The following ATP10A variants were observed in gnomAD, a reference collection of about 807,000 sequenced individuals.
ATP10A encodes phospholipid-transporting ATPase VA.
In ATP10A, 111 loss-of-function variants were observed where a neutral mutation model predicts 147.8. The observed-to-expected ratio is 0.75, with a 90% CI of 0.64 to 0.88. The LOEUF (loss-of-function observed/expected upper bound fraction) is 0.88, where lower values mean the gene tolerates loss of function less well. Ranked by LOEUF, ATP10A falls within the 40% of genes least tolerant of loss-of-function variation. ATP10A has a pLI of 0.00. For missense variants in ATP10A, 1,927 were observed against 1,959.0 expected (o/e 0.98, Z 0.31); for synonymous variants, 875 against 841.6 (o/e 1.04, Z -0.69).
At chr15:25,747,551 GAAC>G (rs1887914014) in intron 2 of ATP10A, among the ~76,000 whole-genome samples, 1 of 151,790 alleles carries the variant, frequency 6.6e-6, no homozygotes, top group African/African-American at 2.4e-5. Flanking sequence ...ATAAAAAAGG[GAAC>G]ATCAGTACAA....
chr15:25,735,003 C>CGGGGGGGG (rs774115891), intron 3 of ATP10A, among the ~76,000 whole-genome samples: 1 of 131,980 alleles, frequency 7.6e-6, no homozygotes, highest in African/African-American at 2.9e-5. Context: ...GTGGTGGGAG[C>CGGGGGGGG]GGGGGGGGGG....
intron 2 of ATP10A, among the ~76,000 whole-genome samples, chr15:25,760,997 C>CA (rs1888728744): frequency 1.3e-5 from 2 of 152,028 alleles, no homozygotes; most frequent in South Asian, 4.2e-4. Flanking sequence ...GTATCACAAC[C>CA]AAAAATTGTA....
rs142086478 is a variant in ATP10A at position 25,813,421 on chromosome 15, G to A, written c.450-32198C>T. 2.4e-3 allele frequency among the ~76,000 whole-genome samples: 366 copies of A among 152,266 alleles called. 1 individual carries two copies. The highest frequency in any genetic ancestry group is 2.7e-3 in the Admixed American group (42 of 15,296). ...TAACTTCTCTGCATCCTAGAACAAAGCTCAAGAATATTTATATGAACATAA... is the reference window on the plus strand; with the variant it reads ...TAACTTCTCTGCATCCTAGAACAAAACTCAAGAATATTTATATGAACATAA... On this transcript the variant is annotated intron_variant, in intron 1 of 20. Coordinates refer to ENST00000555815, the MANE Select transcript of ATP10A (RefSeq NM_024490.4).
intron 1 of ATP10A, among the ~76,000 whole-genome samples, chr15:25,787,537 G>A (rs1377247233): frequency 6.6e-6 from 1 of 151,504 alleles, no homozygotes; most frequent in Non-Finnish European, 1.5e-5. Context: ...CTTGAGCCTG[G>A]GAAAGTTGAG....
At chr15:25,796,096 T>C (rs1237363671) in intron 1 of ATP10A, among the ~76,000 whole-genome samples, 1 of 152,200 alleles carries the variant, frequency 6.6e-6, no homozygotes, top group Non-Finnish European at 1.5e-5. Flanking sequence ...CAGCCTCAAA[T>C]ATTCCTTTAT....
rs886144838 is a variant in ATP10A, at chr15:25,787,361, C to T, written c.450-6138G>A. Among the ~76,000 whole-genome samples, 3 of 152,040 alleles carry T rather than the reference C, an allele frequency of 2.0e-5. No homozygotes were observed. In the East Asian group the frequency reaches 5.8e-4, roughly 29 times the overall value. ...AGGCATGGTGACTCACATCTGTAATCCCAGCACTTTGGGAGGCTGAAGTAG... is the reference window on the plus strand; with the variant it reads ...AGGCATGGTGACTCACATCTGTAATTCCAGCACTTTGGGAGGCTGAAGTAG... On this transcript the variant is annotated intron_variant, in intron 1 of 20. Transcript: ENST00000555815.
At chr15:25,774,296 C>T (rs901208259) in intron 2 of ATP10A, among the ~76,000 whole-genome samples, 5 of 152,142 alleles carry the variant, frequency 3.3e-5, no homozygotes, top group East Asian at 1.9e-4. Context: ...ATCAGAGGTT[C>T]GGGTGCGGTA....
At chr15:25,776,052 G>A (rs968489159) in intron 2 of ATP10A, among the ~76,000 whole-genome samples, 12 of 152,186 alleles carry the variant, frequency 7.9e-5, no homozygotes, top group Admixed American at 1.3e-4. Context: ...CTAGAATGGC[G>A]TTAGAAACAT....
intron 2 of ATP10A, among the ~76,000 whole-genome samples, chr15:25,771,228 T>C (rs1889317648): frequency 6.6e-6 from 1 of 151,894 alleles, no homozygotes; most frequent in Admixed American, 6.6e-5. Context: ...CCGGGATCAC[T>C]CATGAGGACA....
chr15:25,835,410 G>A (rs1892546288), intron 1 of ATP10A, among the ~76,000 whole-genome samples: 1 of 152,138 alleles, frequency 6.6e-6, no homozygotes. Flanking sequence ...ACGTGAAGTG[G>A]GTCTCAATAA....
At chr15:25,678,071 T>C (rs2066711), downstream of ATP10A, 38,585 of 151,848 alleles carry the variant, frequency 0.25, 5,806 homozygotes, top group Admixed American at 0.35. Flanking sequence ...AGCCCAGGTC[T>C]GAGTTGCTGA....
intron 1 of ATP10A, among the ~76,000 whole-genome samples, chr15:25,808,492 C>T (rs8035801): frequency 0.019 from 2,902 of 152,328 alleles, 88 homozygotes; most frequent in African/African-American, 0.065. Flanking sequence ...TCAAGCTATT[C>T]TGCTTCCTCA....
At position 25,723,902 on chromosome 15, in the gene ATP10A, T is replaced by C. The variant is rs77977805; in HGVS notation, c.1099A>G (p.Ile367Val). ...AAVYSFLTMI[I>V]VLQVLIPISL... ...CTTAGTATTGTTACCTGCAGAACTA[T>C]TATCATTGTTAAAAATGAGTAAACT... is the stretch of plus-strand genomic sequence containing the variant. The change falls in exon 6 of 21, where the codon ATA (isoleucine) becomes GTA (valine). Residue 367 changes from isoleucine to valine, a missense_variant. By Grantham distance (29) the Ile-to-Val change is conservative (BLOSUM62 3). Transcript: ENST00000555815. 672 of 1,603,574 alleles carry C rather than the reference T, an allele frequency of 4.2e-4. 7 individuals carry two copies. The East Asian group carries it at 0.011, about 27-fold the overall frequency.
At chr15:25,700,055 A>G (rs1358669720) in intron 13 of ATP10A, among the ~76,000 whole-genome samples, 2 of 152,172 alleles carry the variant, frequency 1.3e-5, no homozygotes, top group African/African-American at 4.8e-5. Context: ...TAAGAAAACA[A>G]CTCAATTAGA....
At chr15:25,749,060 C>CAAAAAAAAAAAAAAAA in intron 2 of ATP10A, among the ~76,000 whole-genome samples, 1 of 67,480 alleles carries the variant, frequency 1.5e-5, no homozygotes, top group Non-Finnish European at 2.8e-5. Flanking sequence ...GAGACTCTGT[C>CAAAAAAAAAAAAAAAA]AAAAAAAAAA....
upstream of ATP10A, among the ~76,000 whole-genome samples, chr15:25,864,217 G>A (rs1456261544): frequency 6.6e-6 from 1 of 152,150 alleles, no homozygotes; most frequent in Admixed American, 6.5e-5. Context: ...CACATCATGG[G>A]GCATCCGAGA....
intron 1 of ATP10A, among the ~76,000 whole-genome samples, chr15:25,783,611 T>C (rs1890029938): frequency 6.6e-6 from 1 of 152,170 alleles, no homozygotes; most frequent in Non-Finnish European, 1.5e-5. Context: ...CCAAACCAGT[T>C]ATGTACAAAG....
At chr15:25,685,697 G>A (rs572823914) in intron 16 of ATP10A, among the ~76,000 whole-genome samples, 5 of 152,144 alleles carry the variant, frequency 3.3e-5, no homozygotes, top group African/African-American at 1.2e-4. Flanking sequence ...GGGCATGGTG[G>A]CCTGTAGTCC....
chr15:25,695,416 CAGG>C (rs1250778161), intron 13 of ATP10A, among the ~76,000 whole-genome samples: 1 of 151,932 alleles, frequency 6.6e-6, no homozygotes, highest in Admixed American at 6.6e-5. Flanking sequence ...ATCACGAGGT[CAGG>C]AGATCAAGAC....
Sources: allele counts gnomAD v4.1 joint callset (sites outside exome capture counted in the v4.1 genomes callset), GRCh38; gene constraint gnomAD v4.1.1; transcripts MANE v1.5; gene names NCBI Gene and HGNC (gene_info 2026-07-23, HGNC 2026-07-21).